The following FAR1 variants were observed in gnomAD, a reference collection of about 807,000 sequenced individuals.
The protein encoded by FAR1 is fatty acyl-CoA reductase 1.
FAR1 carries 22 observed loss-of-function variants against 61.1 expected under a neutral mutation model. The ratio of observed to expected loss-of-function variants is 0.36; its 90% confidence interval spans 0.26 to 0.51. The LOEUF (loss-of-function observed/expected upper bound fraction) is 0.51, where lower values mean the gene tolerates loss of function less well. Ranked by LOEUF, FAR1 falls within the 20% of genes least tolerant of loss-of-function variation. The probability of loss-of-function intolerance (pLI) is 0.95; values close to 1 mark genes in which losing one functional copy is unlikely to be tolerated. For synonymous variants in FAR1, 206 were observed against 209.7 expected (o/e 0.98, Z 0.15); for missense variants, 359 against 626.9 (o/e 0.57, Z 4.56).
chr11:13,714,995 CT>C (rs1294147699), intron 9 of FAR1, among the ~76,000 whole-genome samples: 3 of 152,100 alleles, frequency 2.0e-5, no homozygotes, highest in Non-Finnish European at 4.4e-5. Context: ...TAAGTCATTC[CT>C]TCAAGATGAA....
At chr11:13,681,154 C>G (rs1011353972) in intron 1 of FAR1, among the ~76,000 whole-genome samples, 2 of 152,056 alleles carry the variant, frequency 1.3e-5, no homozygotes, top group Non-Finnish European at 2.9e-5. Context: ...GTGAAATTCT[C>G]GTTCAGTAGA....
chr11:13,681,250 A>C (rs953255772), intron 1 of FAR1, among the ~76,000 whole-genome samples: 6 of 152,210 alleles, frequency 3.9e-5, no homozygotes, highest in African/African-American at 1.4e-4. Context: ...GCTAAAAAAA[A>C]CAGTAAGAAA....
intron 1 of FAR1, among the ~76,000 whole-genome samples, chr11:13,686,840 A>G (rs1476637910): frequency 2.0e-5 from 3 of 152,244 alleles, no homozygotes; most frequent in African/African-American, 7.2e-5. Context: ...TATTAAGAGA[A>G]TACAATCATG....
At chr11:13,680,998 C>A (rs987134806) in intron 1 of FAR1, among the ~76,000 whole-genome samples, 3 of 152,204 alleles carry the variant, frequency 2.0e-5, no homozygotes, top group Admixed American at 6.5e-5. Context: ...AATCTAACTT[C>A]TGTAAAACAA....
chr11:13,715,672 T>TA (rs1848547696), intron 9 of FAR1: 2 of 152,196 alleles, frequency 1.3e-5, no homozygotes, highest in Non-Finnish European at 1.5e-5. Context: ...TTATCGTTGT[T>TA]ATAGCTTTTC....
Position 13,729,600 on chromosome 11 carries a change from G to A in FAR1, c.*826G>A, listed in dbSNP as rs1310316068. On this transcript the variant is annotated 3_prime_UTR_variant, in exon 12 of 12. Coordinates refer to ENST00000354817, the MANE Select transcript of FAR1 (RefSeq NM_032228.6). ...TGAGATTGTTTATGTTTTGAAGCAG[G>A]AGGATTTCTTGAGATTTGATGGAAG... The A allele has an allele frequency of 6.6e-6, 1 of 151,962 alleles. No homozygotes were observed. The highest frequency in any genetic ancestry group is 1.9e-4 in the East Asian group (1 of 5,194). 9.4% of individuals were successfully genotyped at this position (151,962 alleles called of 1,614,324 possible). A position where few individuals can be genotyped will look rare whatever the true frequency, so the allele number is the denominator to read the frequency against.
intron 1 of FAR1, among the ~76,000 whole-genome samples, chr11:13,693,463 C>G (rs1402122694): frequency 1.3e-5 from 2 of 152,162 alleles, no homozygotes; most frequent in African/African-American, 4.8e-5. Context: ...CTCTTTTGTC[C>G]CTAGTACCCA....
rs753461426 is a variant in FAR1, at chr11:13,700,385, C to G, written c.258C>G (p.Leu86=). 3 of 1,603,246 alleles carry G rather than the reference C, an allele frequency of 1.9e-6. No individual in the cohort carries two copies. Among genetic ancestry groups the G allele is most frequent in the Non-Finnish European group, 2.6e-6 (3 of 1,176,436 alleles). Residue 86 remains leucine, a synonymous_variant, in exon 3 of 12, where the codon CTC becomes CTG. Coordinates refer to ENST00000354817, the MANE Select transcript of FAR1 (RefSeq NM_032228.6). ...REKIIAINSE[L]TQPKLALSEE... ...AAATTATAGCAATCAACAGCGAACT[C>G]ACCCAACCTAAACTGGCTCTCAGTG...
rs12798931 is a variant in FAR1 at position 13,728,552 on chromosome 11, A to C, written c.1386-60A>C. On this transcript the variant is annotated intron_variant, in intron 11 of 11. Transcript: ENST00000354817. ...AAAAACTCAGTATTAATTAGCTGCC[A>C]TCTAACAATATTTTTTTCTAGAAAA... 2.7e-6 allele frequency: 4 copies of C among 1,460,500 alleles called. No homozygotes were observed. The Admixed American group carries it at 7.3e-5, about 27-fold the overall frequency. 90.5% of individuals were successfully genotyped at this position (1,460,500 alleles called of 1,614,324 possible). A position where few individuals can be genotyped will look rare whatever the true frequency, so the allele number is the denominator to read the frequency against.
At chr11:13,691,751 A>G (rs899489276) in intron 1 of FAR1, among the ~76,000 whole-genome samples, 4 of 152,122 alleles carry the variant, frequency 2.6e-5, no homozygotes, top group Non-Finnish European at 4.4e-5. Flanking sequence ...TATAAACCAC[A>G]ATTTGTTTAT....
chr11:13,721,589 G>T lies in FAR1; in HGVS notation c.1128-141G>T. On this transcript the variant is annotated intron_variant, in intron 9 of 11. Coordinates refer to ENST00000354817, the MANE Select transcript of FAR1 (RefSeq NM_032228.6). The surrounding 1 kb of genome is among the most constrained non-coding windows in gnomAD (Gnocchi z 4.2). ...TGCAGAAATAGTCTTATTCCCTGCT[G>T]ATTTGGTACACTTAATGATTAAATG... 1.6e-6 allele frequency: 1 copy of T among 619,880 alleles called. No homozygotes were observed. Among genetic ancestry groups the T allele is most frequent in the South Asian group, 2.3e-5 (1 of 44,310 alleles). The allele number at this position is 619,880 out of a possible 1,614,324, so 38.4% of individuals were successfully genotyped here.
At chr11:13,677,976 A>T (rs922329890) in intron 1 of FAR1, among the ~76,000 whole-genome samples, 1 of 152,254 alleles carries the variant, frequency 6.6e-6, no homozygotes, top group Non-Finnish European at 1.5e-5. Context: ...GCCAAACCTA[A>T]TGGTAATTTA....
At chr11:13,723,362 CAA>C (rs71313446) in intron 10 of FAR1, 6,116 of 255,584 alleles carry the variant, frequency 0.024, no homozygotes, top group South Asian at 0.035. Flanking sequence ...GAGAGTCTCT[CAA>C]AAAAAAAAAA....
chr11:13,696,306 G>A (rs557072753), intron 2 of FAR1, among the ~76,000 whole-genome samples: 5 of 152,200 alleles, frequency 3.3e-5, no homozygotes, highest in African/African-American at 1.2e-4. Context: ...CTTGTTGTAG[G>A]GGGTGGAATT....
intron 1 of FAR1, among the ~76,000 whole-genome samples, chr11:13,678,903 G>A (rs1396827110): frequency 1.3e-5 from 2 of 152,196 alleles, no homozygotes; most frequent in African/African-American, 2.4e-5. Context: ...GCAGCCATAA[G>A]AAAGTGACAC....
chr11:13,688,190 A>T (rs1398858095), intron 1 of FAR1, among the ~76,000 whole-genome samples: 1 of 151,828 alleles, frequency 6.6e-6, no homozygotes, highest in East Asian at 1.9e-4. Context: ...AAAAAAATAT[A>T]TATTTAGTGC....
intron 1 of FAR1, among the ~76,000 whole-genome samples, chr11:13,682,119 C>G (rs1040573871): frequency 1.1e-4 from 17 of 152,168 alleles, no homozygotes; most frequent in African/African-American, 4.1e-4. Flanking sequence ...CATCCTTTTG[C>G]ATTCAGCCTC....
intron 2 of FAR1, among the ~76,000 whole-genome samples, chr11:13,699,285 T>A (rs1160453260): frequency 6.6e-6 from 1 of 152,210 alleles, no homozygotes; most frequent in Non-Finnish European, 1.5e-5. Context: ...GCCATTTCCT[T>A]GTGTCTTTAG....
intron 3 of FAR1, among the ~76,000 whole-genome samples, chr11:13,706,667 A>G (rs923850139): frequency 2.6e-5 from 4 of 152,174 alleles, no homozygotes; most frequent in African/African-American, 9.6e-5. Flanking sequence ...AAAAATAACA[A>G]TATATTGATA....
Sources: allele counts gnomAD v4.1 joint callset (sites outside exome capture counted in the v4.1 genomes callset), GRCh38; gene constraint gnomAD v4.1.1; non-coding constraint Gnocchi (gnomAD v3.1); transcripts MANE v1.5; gene names NCBI Gene and HGNC (gene_info 2026-07-23, HGNC 2026-07-21).